ERI3: variants seen among roughly 807,000 people sequenced by gnomAD.
The protein encoded by ERI3 is ERI1 exoribonuclease 3.
A neutral mutation model predicts 44.4 loss-of-function variants in ERI3; 18 were observed. The observed-to-expected ratio is 0.41, with a 90% CI of 0.28 to 0.60. The LOEUF is 0.60. ERI3 is among the 20% of genes least tolerant of loss of function. The pLI is 0.36. For synonymous variants in ERI3, 183 were observed against 164.8 expected, an observed-to-expected ratio of 1.11 and a Z score of -0.84; for missense variants, 294 against 435.5, an observed-to-expected ratio of 0.68 and a Z score of 2.89.
At chr1:44,259,216 G>A (rs988792575) in intron 7 of ERI3, among the ~76,000 whole-genome samples, 3 of 152,126 alleles carry the variant, frequency 2.0e-5, no homozygotes, top group Admixed American at 2.0e-4. Context: ...GAGAAAAGGG[G>A]AGTCTGACTT....
chr1:44,242,186 G>A lies in ERI3; in HGVS notation c.931+5753C>T, dbSNP rs1000939804. 1.3e-5 allele frequency: 12 copies of A among 957,546 alleles called. No individual in the cohort carries two copies. The South Asian group carries it at 1.9e-4, about 15-fold the overall frequency. The allele number at this position is 957,546 out of a possible 1,614,324, so 59.3% of individuals were successfully genotyped here. The stretch of plus-strand genomic sequence containing the variant: ...GAACTGGATGGGAGGGGGCAGTAGT[G>A]TACAGTAGTACTGTGCTCTGCCCTT... On this transcript the variant is annotated intron_variant, in intron 8 of 8. Coordinates refer to ENST00000372257, the MANE Select transcript of ERI3 (RefSeq NM_024066.3).
intron 7 of ERI3, among the ~76,000 whole-genome samples, chr1:44,279,905 G>T (rs1645252288): frequency 6.6e-6 from 1 of 152,082 alleles, no homozygotes; most frequent in Non-Finnish European, 1.5e-5. Flanking sequence ...GTGCAATTTT[G>T]TTCACAAGAA....
At chr1:44,299,188 T>A (rs1309103848) in intron 6 of ERI3, among the ~76,000 whole-genome samples, 3 of 148,204 alleles carry the variant, frequency 2.0e-5, no homozygotes, top group Non-Finnish European at 4.5e-5. Context: ...CATACCTCAA[T>A]TTTTTTTTTT....
rs781456588 is a variant in ERI3 at position 44,352,878 on chromosome 1, G to A, written c.183C>T (p.Ala61=). The A allele has an allele frequency of 3.2e-5, 51 of 1,613,958 alleles. No homozygotes were observed. Among genetic ancestry groups the A allele is most frequent in the Non-Finnish European group, 3.6e-5 (43 of 1,180,022 alleles). The change falls in exon 2 of 9, where the codon GCC becomes GCT. Residue 61 remains alanine (A), a synonymous_variant. Transcript: ENST00000372257. ...ALTEPSASPA[A]GLGIFEVRRV... is the part of the protein sequence containing the mutation. ...TCCTTACTTCGAAGATGCCAAGACC[G>A]GCAGCTGGGGATGCTGAAGGTTCTG...
At chr1:44,264,382 C>A (rs1292689453) in intron 7 of ERI3, among the ~76,000 whole-genome samples, 1 of 152,180 alleles carries the variant, frequency 6.6e-6, no homozygotes, top group African/African-American at 2.4e-5. Flanking sequence ...ATCTCAGTCT[C>A]TTCTATTGAC....
At chr1:44,224,498 C>T (rs1274106704) in intron 8 of ERI3, among the ~76,000 whole-genome samples, 2 of 152,190 alleles carry the variant, frequency 1.3e-5, no homozygotes, top group East Asian at 1.9e-4. Flanking sequence ...AAGGGCTTAG[C>T]GTCTCTAATA....
chr1:44,342,858 T>TATATATATATATA (rs1408660607), intron 2 of ERI3, among the ~76,000 whole-genome samples: 3 of 11,364 alleles, frequency 2.6e-4, no homozygotes, highest in African/African-American at 2.9e-4. Context: ...TATATATATA[T>TATATATATATATA]TTTTTTTTTT....
chr1:44,343,059 G>C (rs1189807423), intron 2 of ERI3, among the ~76,000 whole-genome samples: 1 of 150,618 alleles, frequency 6.6e-6, no homozygotes, highest in African/African-American at 2.4e-5. Context: ...GAGGTCCTTA[G>C]AGAAATGGCT....
At chr1:44,225,075 C>A (rs1196316977) in intron 8 of ERI3, among the ~76,000 whole-genome samples, 2 of 152,122 alleles carry the variant, frequency 1.3e-5, no homozygotes, top group African/African-American at 4.8e-5. Context: ...CTGGTGGCAA[C>A]ACAGTCTCTT....
At chr1:44,239,782 AAGAGGAGGG>A (rs200896982) in intron 8 of ERI3, among the ~76,000 whole-genome samples, 39 of 152,226 alleles carry the variant, frequency 2.6e-4, no homozygotes, top group East Asian at 9.6e-4. Context: ...GAAGAAAGGA[AAGAGGAGGG>A]AGAGGAGGGA....
intron 6 of ERI3, among the ~76,000 whole-genome samples, chr1:44,285,591 T>G (rs1645378189): frequency 1.3e-5 from 2 of 152,132 alleles, no homozygotes; most frequent in South Asian, 4.2e-4. Flanking sequence ...AAATTAGAAT[T>G]TATCAACTAT....
At chr1:44,333,306 T>C (rs886834353) in intron 3 of ERI3, among the ~76,000 whole-genome samples, 2 of 152,250 alleles carry the variant, frequency 1.3e-5, no homozygotes, top group South Asian at 4.1e-4. Context: ...ATTTTCCAGT[T>C]TAGAAGAATA....
intron 7 of ERI3, among the ~76,000 whole-genome samples, chr1:44,248,700 A>AGTGTGTGT (rs1292976718): frequency 2.6e-3 from 272 of 106,492 alleles, no homozygotes; most frequent in African/African-American, 0.012. Context: ...TGTGTGAGAG[A>AGTGTGTGT]GAGTGTGTGT....
intron 1 of ERI3, 86 bp from the exon 2 acceptor site, chr1:44,353,011 A>C: frequency 2.5e-6 from 4 of 1,586,838 alleles, no homozygotes; most frequent in East Asian, 2.3e-5. Flanking sequence ...CTCAAACTCT[A>C]AACTCAAACT....
intron 8 of ERI3, among the ~76,000 whole-genome samples, chr1:44,244,645 C>T (rs979217200): frequency 6.6e-6 from 1 of 152,108 alleles, no homozygotes; most frequent in African/African-American, 2.4e-5. Context: ...CCCCTTCAGC[C>T]TCCTTGTCTG....
intron 6 of ERI3, among the ~76,000 whole-genome samples, chr1:44,302,163 C>G (rs1324532925): frequency 1.3e-5 from 2 of 152,226 alleles, no homozygotes; most frequent in Admixed American, 6.5e-5. Context: ...CCATGTCATC[C>G]ATGCTTCTTC....
At chr1:44,312,814 G>C (rs1646001551) in intron 5 of ERI3, among the ~76,000 whole-genome samples, 1 of 152,222 alleles carries the variant, frequency 6.6e-6, no homozygotes, top group South Asian at 2.1e-4. Context: ...AACACCTCCA[G>C]TCCCTGGGGC....
intron 1 of ERI3, chr1:44,353,868 G>A (rs548313949): frequency 1.0e-5 from 10 of 985,296 alleles, no homozygotes; most frequent in Middle Eastern, 5.2e-4. Context: ...ATCACTTCCC[G>A]GCAGCTCCCT....
At chr1:44,262,641 G>A (rs1644917512) in intron 7 of ERI3, among the ~76,000 whole-genome samples, 1 of 152,236 alleles carries the variant, frequency 6.6e-6, no homozygotes, top group African/African-American at 2.4e-5. Context: ...GGCACAGGCA[G>A]AGGGAAGATC....
Sources: allele counts gnomAD v4.1 joint callset (sites outside exome capture counted in the v4.1 genomes callset), GRCh38; gene constraint gnomAD v4.1.1; transcripts MANE v1.5; gene names NCBI Gene and HGNC (gene_info 2026-07-23, HGNC 2026-07-21).